The following CNOT2 variants were observed in gnomAD, a reference collection of about 807,000 sequenced individuals.
The protein encoded by CNOT2 is CCR4-NOT transcription complex subunit 2.
A neutral mutation model predicts 72.1 loss-of-function variants in CNOT2; 7 were observed. The observed-to-expected ratio is 0.10, with a 90% CI of 0.06 to 0.18. The LOEUF (loss-of-function observed/expected upper bound fraction) is 0.18. CNOT2 is among the 10% of genes least tolerant of loss of function. The pLI, the probability that CNOT2 is intolerant of heterozygous loss-of-function variation, is 1.00. For missense variants in CNOT2, 345 were observed against 660.3 expected, an observed-to-expected ratio of 0.52 and a Z score of 5.23; for synonymous variants, 196 against 225.6, an observed-to-expected ratio of 0.87 and a Z score of 1.17.
At chr12:70,262,718 G>T (rs188725717) in intron 1 of CNOT2, among the ~76,000 whole-genome samples, 1 of 152,028 alleles carries the variant, frequency 6.6e-6, no homozygotes, top group Non-Finnish European at 1.5e-5. Context: ...CTGTTACCCA[G>T]GCTGGAGTGC....
rs999000218 is a variant in CNOT2 at position 70,354,014 on chromosome 12, C to T, written c.*99C>T. 4 of 1,473,254 alleles carry T rather than the reference C, an allele frequency of 2.7e-6. No individual in the cohort carries two copies. Among genetic ancestry groups the T allele is most frequent in the Non-Finnish European group, 3.6e-6 (4 of 1,113,790 alleles). The allele number at this position is 1,473,254 out of a possible 1,614,324, so 91.3% of individuals were successfully genotyped here. The stretch of plus-strand genomic sequence containing the variant: ...CTGCAGAACTGATGTGGCTCAGGCA[C>T]CCTGGTTTTAATTCCTTGAGGATCT... On this transcript the variant is annotated 3_prime_UTR_variant, in exon 16 of 16. Transcript: ENST00000229195.
intron 3 of CNOT2, among the ~76,000 whole-genome samples, chr12:70,316,398 A>C (rs1355249400): frequency 6.6e-6 from 1 of 152,130 alleles, no homozygotes; most frequent in Admixed American, 6.6e-5. Flanking sequence ...TGACATTCAC[A>C]TTTCTTCACT....
chr12:70,346,868 C>A (rs1031399358), intron 15 of CNOT2, among the ~76,000 whole-genome samples: 1 of 152,146 alleles, frequency 6.6e-6, no homozygotes, highest in Non-Finnish European at 1.5e-5. Flanking sequence ...GGTTTTGCAA[C>A]TTTTCCTCAC....
chr12:70,303,280 G>T (rs1307203041), intron 2 of CNOT2, among the ~76,000 whole-genome samples: 1 of 152,168 alleles, frequency 6.6e-6, no homozygotes, highest in Admixed American at 6.5e-5. Flanking sequence ...TGGTGATTTT[G>T]CTCGTTAGTT....
intron 2 of CNOT2, among the ~76,000 whole-genome samples, chr12:70,306,652 G>A (rs1481030715): frequency 6.6e-6 from 1 of 152,118 alleles, no homozygotes; most frequent in East Asian, 1.9e-4. Flanking sequence ...CAAGTAAAAA[G>A]GTGGTCACTT....
intron 11 of CNOT2, among the ~76,000 whole-genome samples, chr12:70,339,087 T>TAC (rs1230795520): frequency 1.5e-5 from 2 of 133,842 alleles, no homozygotes; most frequent in African/African-American, 6.3e-5. Context: ...TATATATATA[T>TAC]ATATACACAC....
chr12:70,249,733 T>A (rs1375270917), intron 1 of CNOT2, among the ~76,000 whole-genome samples: 1 of 152,072 alleles, frequency 6.6e-6, no homozygotes, highest in African/African-American at 2.4e-5. Flanking sequence ...TGCTCATATT[T>A]TTAAAAATTA....
intron 5 of CNOT2, 141 bp from the exon 6 acceptor site, chr12:70,330,146 A>G: frequency 2.0e-6 from 1 of 502,660 alleles, no homozygotes; most frequent in Non-Finnish European, 3.6e-6. Flanking sequence ...AAGAGCTAGA[A>G]TGACTAAAGA....
In CNOT2 at chr12:70,322,193, T is replaced by C. The variant is rs191973061; in HGVS notation, c.238+2829T>C. On this transcript the variant is annotated intron_variant, in intron 4 of 15. Transcript: ENST00000229195. ...ACCAATTTTTTGTTCTCATCAACAT[T>C]ACAATGGAATGAAGTTGAATGAAAC... The C allele has an allele frequency of 2.6e-5, 4 of 151,914 alleles. No homozygotes were observed. In the East Asian group the frequency reaches 7.8e-4, roughly 29 times the overall value. The allele number at this position is 151,914 out of a possible 1,614,324, so 9.4% of individuals were successfully genotyped here. A position where few individuals can be genotyped will look rare whatever the true frequency, so the allele number is the denominator to read the frequency against.
chr12:70,313,968 T>A (rs1342812858), intron 3 of CNOT2, among the ~76,000 whole-genome samples: 2 of 152,204 alleles, frequency 1.3e-5, no homozygotes, highest in African/African-American at 4.8e-5. Context: ...TGAATTGCCA[T>A]AGCTTTGTAG....
chr12:70,349,070 A>G (rs1195810950), intron 15 of CNOT2, among the ~76,000 whole-genome samples: 2 of 152,130 alleles, frequency 1.3e-5, no homozygotes, highest in African/African-American at 4.8e-5. Context: ...AACAGGCAGA[A>G]TTGTTGGTAT....
At chr12:70,247,269 G>T (rs981324681) in intron 1 of CNOT2, among the ~76,000 whole-genome samples, 1 of 151,824 alleles carries the variant, frequency 6.6e-6, no homozygotes, top group East Asian at 1.9e-4. Context: ...GGTTCAAGCG[G>T]TTCTCCTGCC....
chr12:70,322,539 C>T (rs902038730), intron 4 of CNOT2: 20 of 151,736 alleles, frequency 1.3e-4, no homozygotes, highest in Admixed American at 1.3e-3. Context: ...CTTATAGGCA[C>T]CTAGCTTAGC....
intron 9 of CNOT2, 75 bp from the exon 10 acceptor site, chr12:70,338,368 C>A: frequency 3.4e-6 from 4 of 1,187,088 alleles, no homozygotes; most frequent in Non-Finnish European, 4.8e-6. Context: ...GAATAAATAG[C>A]AAGGTATTAA....
At chr12:70,247,039 A>G (rs926336058) in intron 1 of CNOT2, among the ~76,000 whole-genome samples, 1 of 151,924 alleles carries the variant, frequency 6.6e-6, no homozygotes, top group Admixed American at 6.6e-5. Flanking sequence ...AAAATGGGAA[A>G]TTTTTCCTTT....
At chr12:70,341,074 G>A (rs1423756868) in intron 11 of CNOT2, among the ~76,000 whole-genome samples, 1 of 151,820 alleles carries the variant, frequency 6.6e-6, no homozygotes, top group Non-Finnish European at 1.5e-5. Context: ...GTAGAGACGG[G>A]ATTTCACCAT....
At chr12:70,253,630 T>C (rs1958264120) in intron 1 of CNOT2, among the ~76,000 whole-genome samples, 1 of 152,190 alleles carries the variant, frequency 6.6e-6, no homozygotes, top group African/African-American at 2.4e-5. Context: ...CAATTAGTAT[T>C]GAAGAGCCTC....
At chr12:70,336,613 A>G (rs926899777) in intron 8 of CNOT2, 1 of 152,072 alleles carries the variant, frequency 6.6e-6, no homozygotes, top group Admixed American at 6.6e-5. Flanking sequence ...TTTATATTCT[A>G]AAGTTTCCAA....
intron 1 of CNOT2, among the ~76,000 whole-genome samples, chr12:70,266,449 A>T: frequency 6.6e-6 from 1 of 152,136 alleles, no homozygotes; most frequent in Non-Finnish European, 1.5e-5. Context: ...ATAAATGTCA[A>T]TTAGATCTAG....
Sources: allele counts gnomAD v4.1 joint callset (sites outside exome capture counted in the v4.1 genomes callset), GRCh38; gene constraint gnomAD v4.1.1; transcripts MANE v1.5; gene names NCBI Gene and HGNC (gene_info 2026-07-23, HGNC 2026-07-21).